Variants in GPC5 observed in about 807,000 individuals in gnomAD.
GPC5 encodes the protein glypican 5.
In GPC5, 47 loss-of-function variants were observed where a neutral mutation model predicts 53.9. That is an observed-to-expected ratio of 0.87 (90% CI 0.69 to 1.11). GPC5 has a LOEUF of 1.11. Among genes scored for constraint, GPC5 ranks in the 50% most tolerant of loss-of-function variants. The probability of loss-of-function intolerance (pLI) is 0.00; values close to 1 mark genes in which losing one functional copy is unlikely to be tolerated. For missense variants in GPC5, 748 were observed against 713.1 expected (o/e 1.05, Z -0.56); for synonymous variants, 286 against 263.3 (o/e 1.09, Z -0.84).
intron 5 of GPC5, among the ~76,000 whole-genome samples, chr13:91,850,976 C>G (rs1433522514): frequency 6.6e-6 from 1 of 152,106 alleles, no homozygotes; most frequent in Non-Finnish European, 1.5e-5. Context: ...ACATACCTGC[C>G]TCTTTGGAGT....
At chr13:92,076,643 A>G (rs1345785379) in intron 6 of GPC5, among the ~76,000 whole-genome samples, 9 of 151,044 alleles carry the variant, frequency 6.0e-5, no homozygotes, top group Admixed American at 5.9e-4. Flanking sequence ...AATTCTCATC[A>G]GATGGATTTT....
intron 6 of GPC5, among the ~76,000 whole-genome samples, chr13:92,128,001 G>C (rs1194998203): frequency 6.6e-6 from 1 of 152,086 alleles, no homozygotes; most frequent in Non-Finnish European, 1.5e-5. Context: ...ATTTGCCTGG[G>C]CTCCTTCTGA....
intron 7 of GPC5, among the ~76,000 whole-genome samples, chr13:92,775,148 GT>G (rs895789613): frequency 1.3e-5 from 2 of 152,100 alleles, no homozygotes; most frequent in African/African-American, 4.8e-5. Context: ...CAGCTGTTGT[GT>G]TTTATATAAG....
chr13:92,550,897 T>G (rs1882289413), intron 7 of GPC5, among the ~76,000 whole-genome samples: 1 of 151,854 alleles, frequency 6.6e-6, no homozygotes, highest in Non-Finnish European at 1.5e-5. Context: ...CTTGGTTTGT[T>G]TGTTTATTTT....
rs533224262 is a variant in GPC5 at position 92,460,855 on chromosome 13, C to A, written c.1561+315866C>A. Reference sequence around the variant, plus strand: ...TATATAACCCTCAGGACCTTGGATCCTAGGTTGTTCTAGATCCTAGGGTGA... The same window carrying A: ...TATATAACCCTCAGGACCTTGGATCATAGGTTGTTCTAGATCCTAGGGTGA... On this transcript the variant is annotated intron_variant, in intron 7 of 7. Coordinates refer to ENST00000377067, the MANE Select transcript of GPC5 (RefSeq NM_004466.6). Among the ~76,000 whole-genome samples the A allele has an allele frequency of 5.9e-5, 9 of 152,112 alleles. 1 individual carries two copies. In the South Asian group the frequency reaches 1.9e-3, roughly 32 times the overall value.
intron 2 of GPC5, among the ~76,000 whole-genome samples, chr13:91,610,994 G>C (rs2033530125): frequency 6.6e-6 from 1 of 152,166 alleles, no homozygotes. Flanking sequence ...GACAGTTTTG[G>C]TAAGTTTTTT....
chr13:91,750,655 C>A (rs1263786560), intron 4 of GPC5, among the ~76,000 whole-genome samples: 5 of 141,814 alleles, frequency 3.5e-5, no homozygotes, highest in Non-Finnish European at 7.6e-5. Flanking sequence ...TTAATTTGCT[C>A]TGTGGTAGTA....
chr13:92,785,497 GAAAGA>G (rs1386573566), intron 7 of GPC5, among the ~76,000 whole-genome samples: 1 of 152,088 alleles, frequency 6.6e-6, no homozygotes, highest in African/African-American at 2.4e-5. Context: ...ATTTCTAAGA[GAAAGA>G]AAAGAGGCCA....
intron 3 of GPC5, among the ~76,000 whole-genome samples, chr13:91,696,076 G>C (rs916371281): frequency 6.6e-6 from 1 of 152,078 alleles, no homozygotes; most frequent in Non-Finnish European, 1.5e-5. Flanking sequence ...GGACAGTGTT[G>C]GTCAGAGTCT....
Position 92,564,616 on chromosome 13 carries a change from G to A in GPC5, c.1562-301666G>A, listed in dbSNP as rs183456738. 3.2e-4 allele frequency among the ~76,000 whole-genome samples: 48 copies of A among 152,036 alleles called. 1 individual carries two copies. Among genetic ancestry groups the A allele is most frequent in the East Asian group, 1.2e-3 (6 of 5,152 alleles). ...TGAAGTTTGGGATACAAATGTTACCGTCACCCAGGTAGTGAGCAGAGTACC... is the reference window on the plus strand; with the variant it reads ...TGAAGTTTGGGATACAAATGTTACCATCACCCAGGTAGTGAGCAGAGTACC... On this transcript the variant is annotated intron_variant, in intron 7 of 7. Coordinates refer to ENST00000377067, the MANE Select transcript of GPC5 (RefSeq NM_004466.6).
intron 7 of GPC5, among the ~76,000 whole-genome samples, chr13:92,489,024 A>T (rs527674440): frequency 6.6e-6 from 1 of 152,184 alleles, no homozygotes; most frequent in East Asian, 1.9e-4. Flanking sequence ...TTAATATATC[A>T]GTTATTTTCT....
intron 5 of GPC5, among the ~76,000 whole-genome samples, chr13:91,828,447 TTAAGAGTACCTC>T (rs1375534872): frequency 6.6e-6 from 1 of 151,928 alleles, no homozygotes; most frequent in African/African-American, 2.4e-5. Context: ...GTTCTACTCG[TTAAGAGTACCTC>T]ACAGCAATGT....
chr13:92,267,735 A>G (rs2042812329), intron 7 of GPC5, among the ~76,000 whole-genome samples: 1 of 152,090 alleles, frequency 6.6e-6, no homozygotes, highest in South Asian at 2.1e-4. Context: ...GTTTTATTGG[A>G]ATACATTCAC....
At chr13:92,434,964 G>A (rs1327031069) in intron 7 of GPC5, among the ~76,000 whole-genome samples, 1 of 152,174 alleles carries the variant, frequency 6.6e-6, no homozygotes, top group African/African-American at 2.4e-5. Flanking sequence ...ACCCAGGCTG[G>A]AGGGCAGTAG....
chr13:92,296,190 T>C (rs2043033051), intron 7 of GPC5, among the ~76,000 whole-genome samples: 1 of 152,158 alleles, frequency 6.6e-6, no homozygotes, highest in Non-Finnish European at 1.5e-5. Context: ...AAATGAACTC[T>C]GTGAGGATTC....
chr13:92,231,202 T>C (rs575542620), intron 7 of GPC5, among the ~76,000 whole-genome samples: 1 of 152,316 alleles, frequency 6.6e-6, no homozygotes, highest in East Asian at 1.9e-4. Context: ...GATGGGATTC[T>C]AGTCTGAATC....
intron 5 of GPC5, among the ~76,000 whole-genome samples, chr13:91,833,887 T>C (rs1479907473): frequency 6.6e-6 from 1 of 152,152 alleles, no homozygotes; most frequent in African/African-American, 2.4e-5. Flanking sequence ...TTGGAAGTTC[T>C]GGCCAGGGCA....
At chr13:92,587,567 G>A (rs529171985) in intron 7 of GPC5, among the ~76,000 whole-genome samples, 122 of 145,450 alleles carry the variant, frequency 8.4e-4, no homozygotes, top group African/African-American at 3.0e-3. Flanking sequence ...ATTATTTATG[G>A]TACTCCTGCA....
chr13:92,675,780 T>G (rs1886918214), intron 7 of GPC5, among the ~76,000 whole-genome samples: 1 of 152,132 alleles, frequency 6.6e-6, no homozygotes, highest in African/African-American at 2.4e-5. Flanking sequence ...AAAACATATG[T>G]AATATTCATA....
Sources: allele counts gnomAD v4.1 joint callset (sites outside exome capture counted in the v4.1 genomes callset), GRCh38; gene constraint gnomAD v4.1.1; transcripts MANE v1.5; gene names NCBI Gene and HGNC (gene_info 2026-07-23, HGNC 2026-07-21).